Variants in EGFR observed in about 807,000 individuals in gnomAD.
The protein encoded by EGFR is epidermal growth factor receptor.
A neutral mutation model predicts 143.0 loss-of-function variants in EGFR; 58 were observed. That is an observed-to-expected ratio of 0.41 (90% confidence interval 0.33 to 0.50). The LOEUF is 0.50. Ranked by LOEUF, EGFR falls within the 20% of genes least tolerant of loss-of-function variation. EGFR has a pLI of 0.39. For synonymous variants in EGFR, 613 were observed against 594.4 expected (o/e 1.03, Z -0.45); for missense variants, 1,307 against 1,579.0 (o/e 0.83, Z 2.92).
intron 1 of EGFR, among the ~76,000 whole-genome samples, chr7:55,068,654 A>G (rs181698409): frequency 5.3e-5 from 8 of 152,324 alleles, no homozygotes; most frequent in Admixed American, 2.6e-4. Context: ...AACTGGCACA[A>G]TTCAATTCCT....
chr7:55,063,104 C>G (rs1789286718), intron 1 of EGFR, among the ~76,000 whole-genome samples: 1 of 152,152 alleles, frequency 6.6e-6, no homozygotes, highest in South Asian at 2.1e-4. Context: ...TGTTGCATCT[C>G]CATTCTCTTC....
rs1190307101 is a variant in EGFR, at chr7:55,209,305, T to C, written c.*3688T>C. On this transcript the variant is annotated 3_prime_UTR_variant, in exon 28 of 28. Coordinates refer to ENST00000275493, the MANE Select transcript of EGFR (RefSeq NM_005228.5). ...AGGCTGGGTAGGGTAGAGATTCCCA[T>C]GTGCAGTGGAGAGAACAATCTGCAG... The C allele has an allele frequency of 6.6e-6, 1 of 152,128 alleles. No individual in the cohort carries two copies. The allele number at this position is 152,128 out of a possible 1,614,324, so 9.4% of individuals were successfully genotyped here.
chr7:55,057,280 A>C (rs1310527533), intron 1 of EGFR, among the ~76,000 whole-genome samples: 5 of 152,310 alleles, frequency 3.3e-5, no homozygotes, highest in Non-Finnish European at 5.9e-5. Flanking sequence ...TGCTTAAGCA[A>C]AGTTGGGACG....
intron 1 of EGFR, among the ~76,000 whole-genome samples, chr7:55,073,434 A>G (rs992228510): frequency 6.6e-6 from 1 of 152,224 alleles, no homozygotes; most frequent in Non-Finnish European, 1.5e-5. Context: ...AGGCTTCTGC[A>G]GGTGCAGTGA....
intron 20 of EGFR, among the ~76,000 whole-genome samples, chr7:55,189,120 A>G (rs577136418): frequency 1.5e-4 from 23 of 150,614 alleles, no homozygotes; most frequent in African/African-American, 5.7e-4. Flanking sequence ...GTGTGTGTGT[A>G]TATATATATA....
At chr7:55,049,787 A>T (rs1272572748) in intron 1 of EGFR, among the ~76,000 whole-genome samples, 1 of 152,200 alleles carries the variant, frequency 6.6e-6, no homozygotes, top group Non-Finnish European at 1.5e-5. Context: ...AGGAGCACAA[A>T]TCCCTTGCTT....
At chr7:55,042,843 G>A (rs1258847496) in intron 1 of EGFR, among the ~76,000 whole-genome samples, 1 of 152,122 alleles carries the variant, frequency 6.6e-6, no homozygotes, top group East Asian at 1.9e-4. Context: ...TTTACCTCTG[G>A]AAATGGAAAT....
chr7:55,183,947 G>A (rs960009172), intron 20 of EGFR, among the ~76,000 whole-genome samples: 2 of 152,208 alleles, frequency 1.3e-5, no homozygotes, highest in Admixed American at 6.5e-5. Context: ...AGAGGTGGTC[G>A]GGCCATCCGT....
chr7:55,058,001 A>G (rs1192301880), intron 1 of EGFR, among the ~76,000 whole-genome samples: 2 of 152,236 alleles, frequency 1.3e-5, no homozygotes, highest in Admixed American at 1.3e-4. Flanking sequence ...TTAATGTAGT[A>G]TATTTAAAAT....
At chr7:55,060,637 G>A (rs12538513) in intron 1 of EGFR, among the ~76,000 whole-genome samples, 4,809 of 152,256 alleles carry the variant, frequency 0.032, 175 homozygotes, top group South Asian at 0.12. Flanking sequence ...TTCAGGAAAT[G>A]ACTTTTCATC....
intron 1 of EGFR, among the ~76,000 whole-genome samples, chr7:55,089,757 C>A (rs1790988954): frequency 6.6e-6 from 1 of 152,150 alleles, no homozygotes; most frequent in Non-Finnish European, 1.5e-5. Flanking sequence ...CCACCTCTCA[C>A]CTTTCCCTAA....
At chr7:55,124,404 A>T (rs935329304) in intron 1 of EGFR, among the ~76,000 whole-genome samples, 1 of 152,214 alleles carries the variant, frequency 6.6e-6, no homozygotes, top group Non-Finnish European at 1.5e-5. Flanking sequence ...TCAGTTCTTA[A>T]ATTTTCAGAT....
intron 7 of EGFR, 32 bp from the exon 8 acceptor site, chr7:55,155,798 T>C (rs1785380963): frequency 6.3e-7 from 1 of 1,594,236 alleles, no homozygotes; most frequent in Admixed American, 1.7e-5. Flanking sequence ...GGTGCCACCG[T>C]CATCACCTTC....
intron 22 of EGFR, among the ~76,000 whole-genome samples, chr7:55,196,804 GTCAACGA>G: frequency 6.8e-6 from 1 of 146,234 alleles, no homozygotes; most frequent in South Asian, 2.2e-4. Flanking sequence ...TGTCAACTTT[GTCAACGA>G]TCACATGGTT....
chr7:55,194,604 G>A (rs921234699), intron 22 of EGFR, among the ~76,000 whole-genome samples: 3 of 152,144 alleles, frequency 2.0e-5, no homozygotes, highest in Admixed American at 2.0e-4. Context: ...GGGTTGCTGG[G>A]CCATCTGGCC....
intron 2 of EGFR, 130 bp downstream of exon 2, chr7:55,142,567 C>G: frequency 1.7e-6 from 2 of 1,204,192 alleles, no homozygotes; most frequent in Non-Finnish European, 2.4e-6. Context: ...GAGCTACAAA[C>G]GAGAGTTTTA....
At position 55,146,588 on chromosome 7, in the gene EGFR, A is replaced by C. The variant is rs375313977; in HGVS notation, c.425-18A>C. The stretch of plus-strand genomic sequence containing the variant: ...AGGAGCTGGAAAGAGTGCTCACCGC[A>C]GTTCCATTCTCCCGCAGAAATCCTG... On this transcript the variant is annotated intron_variant, in intron 3 of 27. Transcript: ENST00000275493. 120 of 1,613,826 alleles carry C rather than the reference A, an allele frequency of 7.4e-5. No individual in the cohort carries two copies. Among genetic ancestry groups the C allele is most frequent in the Non-Finnish European group, 9.4e-5 (111 of 1,180,028 alleles).
intron 27 of EGFR, among the ~76,000 whole-genome samples, chr7:55,203,587 ACAC>A (rs561930437): frequency 2.5e-4 from 37 of 148,586 alleles, no homozygotes; most frequent in Admixed American, 1.7e-3. Flanking sequence ...CGCCACACAC[ACAC>A]CACAAAAACC....
rs1794784834 is a variant in EGFR, at chr7:55,146,722, C to T, written c.541C>T (p.Gln181Ter). 6.2e-7 allele frequency: 1 copy of T among 1,614,176 alleles called. No homozygotes were observed. The highest frequency in any genetic ancestry group is 8.5e-7 in the Non-Finnish European group (1 of 1,180,048). Reference protein sequence around the residue: ...DFLSNMSMDFQNHLGSCQKCD... With the variant: ...DFLSNMSMDF ...TCTCAGCAACATGTCGATGGACTTCCAGAACCACCTGGGCAGCTGTAAGTG... is the reference window on the plus strand; with the variant it reads ...TCTCAGCAACATGTCGATGGACTTCTAGAACCACCTGGGCAGCTGTAAGTG... The change falls in exon 4 of 28, where the codon CAG (glutamine) becomes TAG (stop). Residue 181 changes from glutamine to a stop codon, truncating the protein, a stop_gained. Coordinates refer to ENST00000275493, the MANE Select transcript of EGFR (RefSeq NM_005228.5). LOFTEE classifies it high-confidence loss of function.
Sources: gnomAD v4.1 joint callset for allele counts (sites outside exome capture counted in the v4.1 genomes callset) on GRCh38, gnomAD v4.1.1 for gene constraint, MANE v1.5 for transcripts, NCBI Gene and HGNC (gene_info 2026-07-23, HGNC 2026-07-21) for gene names.